The following PRP4K variants were observed in gnomAD, a reference collection of about 807,000 sequenced individuals.
PRP4K encodes serine/threonine-protein kinase PRP4 homolog.
the PRP4K span, chr6:4,060,372 G>C: frequency 1.3e-6 from 2 of 1,558,850 alleles, no homozygotes; most frequent in Non-Finnish European, 1.8e-6. The surrounding 1 kb of genome is among the most constrained non-coding windows in gnomAD (Gnocchi z 4.7). Context: ...TATATGCTTA[G>C]TAACTTATTT....
the PRP4K span, among the ~76,000 whole-genome samples, chr6:4,051,465 C>T: frequency 3.3e-5 from 5 of 151,666 alleles, no homozygotes; most frequent in African/African-American, 7.3e-5. Flanking sequence ...TACAGGCACC[C>T]GCCACCACCC....
At chr6:4,041,677 A>C in the PRP4K span, among the ~76,000 whole-genome samples, 1 of 24,812 alleles carries the variant, frequency 4.0e-5, no homozygotes, top group Admixed American at 3.8e-4. Context: ...ATGTCTGAGG[A>C]CATTTCTTGT....
At chr6:4,058,397 A>G in the PRP4K span, among the ~76,000 whole-genome samples, 1 of 152,124 alleles carries the variant, frequency 6.6e-6, no homozygotes, top group Non-Finnish European at 1.5e-5. Context: ...AGGAGAAAAA[A>G]CCTGAGTTTT....
At chr6:4,046,108 T>G in the PRP4K span, among the ~76,000 whole-genome samples, 2 of 152,234 alleles carry the variant, frequency 1.3e-5, no homozygotes, top group Non-Finnish European at 2.9e-5. Flanking sequence ...TGTTGTGCAT[T>G]AAGTCATTCT....
the PRP4K span, chr6:4,063,507 T>C: frequency 1.3e-5 from 2 of 152,292 alleles, no homozygotes; most frequent in East Asian, 3.9e-4. Context: ...TTAAGAATAC[T>C]GTTCAACTCC....
At chr6:4,035,574 CAA>C in the PRP4K span, among the ~76,000 whole-genome samples, 1 of 152,150 alleles carries the variant, frequency 6.6e-6, no homozygotes, top group African/African-American at 2.4e-5. Context: ...AGATCTGAAT[CAA>C]AGTCTACCTT....
chr6:4,024,446 T>C, the PRP4K span, among the ~76,000 whole-genome samples: 1 of 152,188 alleles, frequency 6.6e-6, no homozygotes, highest in Non-Finnish European at 1.5e-5. Context: ...TTTAAAGAAT[T>C]GTCTAGCTTA....
At chr6:4,052,915 C>T in the PRP4K span, 3 of 1,524,566 alleles carry the variant, frequency 2.0e-6, no homozygotes, top group Admixed American at 4.1e-5. Context: ...CTTGAACATA[C>T]ATTTCACTTC....
chr6:4,037,224 A>G, the PRP4K span, among the ~76,000 whole-genome samples: 102,545 of 152,038 alleles, frequency 0.67, 34,756 homozygotes, highest in East Asian at 0.77. Context: ...TTTGCCTGCA[A>G]TAACACCAAA....
chr6:4,052,685 T>C, the PRP4K span: 1 of 1,469,892 alleles, frequency 6.8e-7, no homozygotes, highest in Non-Finnish European at 9.2e-7. Context: ...TTTTAACTCC[T>C]ATTTTGTTTT....
chr6:4,044,950 C>T, the PRP4K span, among the ~76,000 whole-genome samples: 7 of 151,536 alleles, frequency 4.6e-5, no homozygotes, highest in Admixed American at 1.3e-4. Context: ...GCAAGCTCCG[C>T]GTCCCAGGTC....
At chr6:4,056,926 T>G in the PRP4K span, 800,028 of 1,159,616 alleles carry the variant, frequency 0.69, 276,630 homozygotes, top group East Asian at 0.79. Flanking sequence ...GCATGAAGAT[T>G]GTGGTTATAG....
chr6:4,034,740 G>C, the PRP4K span, among the ~76,000 whole-genome samples: 2 of 151,574 alleles, frequency 1.3e-5, no homozygotes, highest in Non-Finnish European at 2.9e-5. Flanking sequence ...TTGAGATGGG[G>C]TCTTGCTCTG....
chr6:4,026,464 G>A, the PRP4K span, among the ~76,000 whole-genome samples: 2 of 151,842 alleles, frequency 1.3e-5, no homozygotes, highest in East Asian at 1.9e-4. Flanking sequence ...CATTATGCCC[G>A]GCTAGTTTTT....
the PRP4K span, chr6:4,049,172 T>C: frequency 4.4e-6 from 6 of 1,377,492 alleles, no homozygotes; most frequent in Non-Finnish European, 5.0e-6. Context: ...TGCTGCTTGA[T>C]GCAATCACAG....
At chr6:4,057,294 G>A in the PRP4K span, 5 of 1,181,098 alleles carry the variant, frequency 4.2e-6, no homozygotes, top group Non-Finnish European at 6.0e-6. Flanking sequence ...ATTTCAGAAA[G>A]GTGGGTAGAT....
the PRP4K span, chr6:4,037,490 A>G: frequency 6.2e-7 from 1 of 1,614,012 alleles, no homozygotes; most frequent in Non-Finnish European, 8.5e-7. Context: ...GAAGAAGTAG[A>G]TCTCCCATTA....
At chr6:4,049,486 T>C in the PRP4K span, 1 of 493,526 alleles carries the variant, frequency 2.0e-6, no homozygotes, top group African/African-American at 1.9e-5. Context: ...TTGGAAAAAC[T>C]TAATGTTAAA....
At chr6:4,058,216 A>C in the PRP4K span, among the ~76,000 whole-genome samples, 5 of 152,192 alleles carry the variant, frequency 3.3e-5, no homozygotes, top group Admixed American at 6.5e-5. Flanking sequence ...GAGTTTCACT[A>C]TGTTGACCAG....
Sources: allele counts gnomAD v4.1 joint callset (sites outside exome capture counted in the v4.1 genomes callset), GRCh38; gene constraint gnomAD v4.1.1; non-coding constraint Gnocchi (gnomAD v3.1); transcripts MANE v1.5; gene names NCBI Gene and HGNC (gene_info 2026-07-23, HGNC 2026-07-21).